BCAS3: variants seen among roughly 807,000 people sequenced by gnomAD.
BCAS3 encodes BCAS3 microtubule associated cell migration factor, also known as BCAS4/BCAS3 fusion.
Under a neutral mutation model 116.1 loss-of-function variants are expected in BCAS3, and 53 were observed. That is an observed-to-expected ratio of 0.46 (90% CI 0.37 to 0.57). The LOEUF is 0.57. Ranked by LOEUF, BCAS3 falls within the 20% of genes least tolerant of loss-of-function variation. BCAS3 has a pLI of 0.00. For synonymous variants in BCAS3, 391 were observed against 408.2 expected (o/e 0.96, Z 0.51); for missense variants, 917 against 1,165.4 (o/e 0.79, Z 3.10).
chr17:61,317,091 T>A (rs1339291699), intron 22 of BCAS3, among the ~76,000 whole-genome samples: 1 of 152,238 alleles, frequency 6.6e-6, no homozygotes, highest in Non-Finnish European at 1.5e-5. Context: ...TTTAGGGTTC[T>A]AAAGAGTAGT....
Position 61,285,258 on chromosome 17 carries a change from T to TGTGTGTGTGTGTGTG in BCAS3, c.2426-83069_2426-83068insGTGTGTGTGTGTGTG, listed in dbSNP as rs766590925. 3.9e-5 allele frequency among the ~76,000 whole-genome samples: 6 copies of TGTGTGTGTGTGTGTG among 151,930 alleles called. No homozygotes were observed. The highest frequency in any genetic ancestry group is 7.3e-5 in the African/African-American group (3 of 41,264). ...GTGTGTGTGTGTGTGTGTGTGTGTGTTTCTTGCTAAAATGCAGCAAAGGAA... is the reference window on the plus strand; with the variant it reads ...GTGTGTGTGTGTGTGTGTGTGTGTGTGTGTGTGTGTGTGTGTTCTTGCTAAAATGCAGCAAAGGAA... On this transcript the variant is annotated intron_variant, in intron 22 of 23. Coordinates refer to ENST00000407086, the MANE Select transcript of BCAS3 (RefSeq NM_017679.5). This position sits in a 1 kb window ranked among gnomAD's most constrained non-coding sequence, Gnocchi z 5.4.
rs2064493363 is a variant in BCAS3, at chr17:61,004,347, A to G, written c.1487-11404A>G. Among the ~76,000 whole-genome samples, 1 of 152,136 alleles carries G rather than the reference A, an allele frequency of 6.6e-6. No homozygotes were observed. Among genetic ancestry groups the G allele is most frequent in the East Asian group, 1.9e-4 (1 of 5,192 alleles). ...TGAATGTTCATTTCCTTATGTACTT[A>G]TCAAAAGGAAGATCTGAAATGTTTT... On this transcript the variant is annotated intron_variant, in intron 15 of 23. Transcript: ENST00000407086. This position sits in a 1 kb window ranked among gnomAD's most constrained non-coding sequence, Gnocchi z 4.8.
chr17:60,896,669 T>G (rs2057532294), intron 10 of BCAS3, among the ~76,000 whole-genome samples: 1 of 152,144 alleles, frequency 6.6e-6, no homozygotes, highest in Non-Finnish European at 1.5e-5. Context: ...TTTCCATTTG[T>G]GTGGAATATC....
chr17:60,711,343 G>T (rs1337855166), intron 5 of BCAS3, among the ~76,000 whole-genome samples: 1 of 150,484 alleles, frequency 6.6e-6, no homozygotes, highest in Non-Finnish European at 1.5e-5. Context: ...ATTTGGCAGT[G>T]TTTTTTTTTC....
chr17:60,814,298 T>TGCGCGC (rs778722592), intron 7 of BCAS3, among the ~76,000 whole-genome samples: 2,589 of 115,084 alleles, frequency 0.022, 65 homozygotes, highest in African/African-American at 0.13. Flanking sequence ...TGTGTGTGTG[T>TGCGCGC]GTGTGTGTGC....
rs901145892 is a variant in BCAS3, at chr17:61,104,935, A to G, written c.2425+20371A>G. On this transcript the variant is annotated intron_variant, in intron 22 of 23. Transcript: ENST00000407086. The surrounding 1 kb of genome is among the most constrained non-coding windows in gnomAD (Gnocchi z 4.1). ...TTTTGCTAGTGTACCAGGTTGTTTA[A>G]TAAAACTAGGAATAGCTGAGAGTAG... Among the ~76,000 whole-genome samples, 1 of 152,192 alleles carries G rather than the reference A, an allele frequency of 6.6e-6. No individual in the cohort carries two copies. Among genetic ancestry groups the G allele is most frequent in the Non-Finnish European group, 1.5e-5 (1 of 68,030 alleles).
intron 22 of BCAS3, among the ~76,000 whole-genome samples, chr17:61,293,243 G>A (rs1303307357): frequency 6.6e-6 from 1 of 152,192 alleles, no homozygotes; most frequent in Admixed American, 6.5e-5. Context: ...AAGGGTAGAT[G>A]TGGAAATAGT....
At position 60,807,898 on chromosome 17, in the gene BCAS3, T is replaced by C. The variant is rs997831849; in HGVS notation, c.404-106T>C. On this transcript the variant is annotated intron_variant, in intron 6 of 23. Coordinates refer to ENST00000407086, the MANE Select transcript of BCAS3 (RefSeq NM_017679.5). The stretch of plus-strand genomic sequence containing the variant: ...TTCAATTGTATAAATTATGTCAACT[T>C]ATAATGAATACTTCTCCTTTTCAAG... 4.0e-6 allele frequency: 3 copies of C among 745,982 alleles called. No homozygotes were observed. The African/African-American group carries it at 5.3e-5, about 13-fold the overall frequency. The allele number at this position is 745,982 out of a possible 1,614,324, so 46.2% of individuals were successfully genotyped here. A position where few individuals can be genotyped will look rare whatever the true frequency, so the allele number is the denominator to read the frequency against.
At chr17:60,840,526 T>G (rs893803343) in intron 7 of BCAS3, among the ~76,000 whole-genome samples, 5 of 152,178 alleles carry the variant, frequency 3.3e-5, no homozygotes, top group Admixed American at 3.3e-4. Context: ...ACAAGAATAC[T>G]TAGTTGTACA....
chr17:61,155,779 A>C (rs1367404236), intron 22 of BCAS3, among the ~76,000 whole-genome samples: 1 of 152,228 alleles, frequency 6.6e-6, no homozygotes, highest in Non-Finnish European at 1.5e-5. Flanking sequence ...AATGTAAAAA[A>C]GGTGGTCTCA....
At chr17:61,240,781 C>T (rs1224633426) in intron 22 of BCAS3, among the ~76,000 whole-genome samples, 2 of 152,212 alleles carry the variant, frequency 1.3e-5, no homozygotes, top group African/African-American at 4.8e-5. Context: ...TTACCTATAT[C>T]ATTGAGCCCT....
chr17:61,383,767 C>G (rs1002729328), intron 23 of BCAS3: 1 of 152,258 alleles, frequency 6.6e-6, no homozygotes, highest in African/African-American at 2.4e-5. Context: ...TTACCAAACT[C>G]TTCCGCTGCG....
intron 22 of BCAS3, among the ~76,000 whole-genome samples, chr17:61,328,692 G>A (rs537460879): frequency 1.3e-5 from 2 of 152,062 alleles, no homozygotes; most frequent in South Asian, 2.1e-4. Context: ...CTGAGCCAGG[G>A]GTGGTCAAGG....
At chr17:61,212,799 C>A (rs938785143) in intron 22 of BCAS3, among the ~76,000 whole-genome samples, 7 of 152,126 alleles carry the variant, frequency 4.6e-5, no homozygotes, top group Non-Finnish European at 8.8e-5. Context: ...TCATTAGAAT[C>A]ATTCATTAGA....
chr17:61,154,141 TTTG>T (rs1431882411), intron 22 of BCAS3, among the ~76,000 whole-genome samples: 2 of 152,180 alleles, frequency 1.3e-5, no homozygotes, highest in African/African-American at 4.8e-5. Flanking sequence ...CTTCCTTCAG[TTTG>T]TTTTCTTTTC....
chr17:60,812,880 T>C (rs562748339), intron 7 of BCAS3, among the ~76,000 whole-genome samples: 3 of 152,178 alleles, frequency 2.0e-5, no homozygotes, highest in Admixed American at 2.0e-4. Flanking sequence ...GCTGGGACTA[T>C]AAGTTATGCC....
In BCAS3 at chr17:61,222,725, A is replaced by T. The variant is rs139376859; in HGVS notation, c.2425+138161A>T. Among the ~76,000 whole-genome samples, 2 of 152,196 alleles carry T rather than the reference A, an allele frequency of 1.3e-5. No homozygotes were observed. Among genetic ancestry groups the T allele is most frequent in the African/African-American group, 4.8e-5 (2 of 41,540 alleles). Reference sequence around the variant, plus strand: ...ATTCAGCAACCAGTGGTCTTGGTCAAGGTGGGCCATGGCCACTCTGCGACT... The same window carrying T: ...ATTCAGCAACCAGTGGTCTTGGTCATGGTGGGCCATGGCCACTCTGCGACT... On this transcript the variant is annotated intron_variant, in intron 22 of 23. Transcript: ENST00000407086. The surrounding 1 kb of genome is among the most constrained non-coding windows in gnomAD (Gnocchi z 6.1).
rs1602914479 is a variant in BCAS3, at chr17:61,346,110, G to C, written c.2426-22217G>C. Among the ~76,000 whole-genome samples, 1 of 152,138 alleles carries C rather than the reference G, an allele frequency of 6.6e-6. No individual in the cohort carries two copies. Among genetic ancestry groups the C allele is most frequent in the East Asian group, 1.9e-4 (1 of 5,186 alleles). ...TGGTTGAGAAGGTAACAGCGGGGTA[G>C]GTGCCATAATCCTTGTTGAAGTCGA... On this transcript the variant is annotated intron_variant, in intron 22 of 23. Coordinates refer to ENST00000407086, the MANE Select transcript of BCAS3 (RefSeq NM_017679.5). The surrounding 1 kb of genome is among the most constrained non-coding windows in gnomAD (Gnocchi z 5.4).
At chr17:61,206,817 A>G (rs2081166124) in intron 22 of BCAS3, among the ~76,000 whole-genome samples, 1 of 150,882 alleles carries the variant, frequency 6.6e-6, no homozygotes, top group African/African-American at 2.4e-5. Flanking sequence ...AAAAAAAAAA[A>G]AAAAAAAAAA....
Sources: gnomAD v4.1 joint callset for allele counts (sites outside exome capture counted in the v4.1 genomes callset) on GRCh38, gnomAD v4.1.1 for gene constraint, Gnocchi (gnomAD v3.1) non-coding constraint, MANE v1.5 for transcripts, NCBI Gene and HGNC (gene_info 2026-07-23, HGNC 2026-07-21) for gene names.